Variants in SHROOM3 observed in about 807,000 individuals in gnomAD.
SHROOM3 encodes protein Shroom3.
Under a neutral mutation model 138.6 loss-of-function variants are expected in SHROOM3, and 47 were observed. The observed-to-expected ratio is 0.34, with a 90% CI of 0.27 to 0.43. The LOEUF (loss-of-function observed/expected upper bound fraction) is 0.43. Ranked by LOEUF, SHROOM3 falls within the 20% of genes least tolerant of loss-of-function variation. The probability of loss-of-function intolerance (pLI) is 1.00; values close to 1 mark genes in which losing one functional copy is unlikely to be tolerated. For missense variants in SHROOM3, 2,491 were observed against 2,596.5 expected (o/e 0.96, Z 0.88); for synonymous variants, 1,062 against 1,063.3 (o/e 1.00, Z 0.02).
At chr4:76,541,228 G>A (rs1224456951) in intron 1 of SHROOM3, among the ~76,000 whole-genome samples, 1 of 152,162 alleles carries the variant, frequency 6.6e-6, no homozygotes, top group Non-Finnish European at 1.5e-5. Context: ...GGAATGAAAA[G>A]ATTATGACTT....
intron 10 of SHROOM3, among the ~76,000 whole-genome samples, chr4:76,775,807 CTATA>C (rs57019823): frequency 1.3e-5 from 2 of 150,344 alleles, no homozygotes; most frequent in African/African-American, 2.5e-5. Context: ...TACACACATA[CTATA>C]TATATACACA....
At chr4:76,649,731 A>G (rs2110087638) in intron 2 of SHROOM3, among the ~76,000 whole-genome samples, 1 of 152,346 alleles carries the variant, frequency 6.6e-6, no homozygotes, top group East Asian at 1.9e-4. Flanking sequence ...TGATAAAAGT[A>G]TAGGAAATCA....
At chr4:76,735,888 T>G (rs1254196605) in intron 4 of SHROOM3, among the ~76,000 whole-genome samples, 2 of 124,208 alleles carry the variant, frequency 1.6e-5, no homozygotes, top group East Asian at 2.6e-4. Flanking sequence ...TATATATATA[T>G]ATATATATAT....
chr4:76,714,980 G>A (rs1720331341), intron 3 of SHROOM3, among the ~76,000 whole-genome samples: 1 of 152,140 alleles, frequency 6.6e-6, no homozygotes, highest in South Asian at 2.1e-4. Flanking sequence ...GGATGAGGTA[G>A]TGATGCCTTG....
intron 2 of SHROOM3, among the ~76,000 whole-genome samples, chr4:76,673,140 T>G (rs540483406): frequency 1.5e-3 from 229 of 152,016 alleles, no homozygotes; most frequent in Non-Finnish European, 2.6e-3. Context: ...AAAGAAAAAG[T>G]GGGATGGGGT....
chr4:76,755,196 A>G lies in SHROOM3; in HGVS notation c.4709+4A>G. ...ATCCCGAGGGGCCACGCCCCAGGTG[A>G]GTGAGCAGACTGGGCAGCTTTCCCC... On this transcript the variant is annotated splice_donor_region_variant and intron_variant, in intron 7 of 10. Transcript: ENST00000296043. 6.2e-7 allele frequency: 1 copy of G among 1,613,356 alleles called. No homozygotes were observed. The highest frequency in any genetic ancestry group is 8.5e-7 in the Non-Finnish European group (1 of 1,179,692).
Position 76,740,926 on chromosome 4 carries a change from C to A in SHROOM3, c.2753C>A (p.Ala918Asp). 6.7e-7 allele frequency: 1 copy of A among 1,496,828 alleles called. No individual in the cohort carries two copies. 92.7% of individuals were successfully genotyped at this position (1,496,828 alleles called of 1,614,324 possible). A position where few individuals can be genotyped will look rare whatever the true frequency, so the allele number is the denominator to read the frequency against. Residue 918 changes from alanine (A) to aspartate (D), a missense_variant, in exon 5 of 11, where the codon GCC becomes GAC. By Grantham distance (126) the Ala-to-Asp change is moderately radical (BLOSUM62 -2). Transcript: ENST00000296043. This position sits in a 1 kb window ranked among gnomAD's most constrained non-coding sequence, Gnocchi z 4.0. ...PGSPESPLLD[A>D]PFSRAYRNSI... ...TCGCCCGAATCGCCCCTGCTGGATG[C>A]CCCCTTCAGCCGCGCCTACCGGAAC...
intron 2 of SHROOM3, among the ~76,000 whole-genome samples, chr4:76,697,087 A>ATTTTT (rs1163545473): frequency 6.6e-5 from 9 of 135,788 alleles, no homozygotes; most frequent in African/African-American, 2.2e-4. Context: ...CAGCTAATTA[A>ATTTTT]TTTTTTTTTT....
chr4:76,742,097 C>G (rs1022357146), intron 5 of SHROOM3, 171 bp downstream of exon 5: 29 of 861,368 alleles, frequency 3.4e-5, no homozygotes, highest in Non-Finnish European at 5.3e-5. Context: ...TGTCCCTTAC[C>G]TGGTTTCCTT....
chr4:76,771,801 A>C (rs1481132421), intron 10 of SHROOM3, among the ~76,000 whole-genome samples: 1 of 152,186 alleles, frequency 6.6e-6, no homozygotes, highest in Non-Finnish European at 1.5e-5. Context: ...AAGTTGTATC[A>C]CCGCATTGAA....
intron 1 of SHROOM3, among the ~76,000 whole-genome samples, chr4:76,515,973 A>G (rs556328751): frequency 4.6e-5 from 7 of 152,332 alleles, no homozygotes; most frequent in African/African-American, 1.7e-4. Flanking sequence ...AGGGCCTGGC[A>G]TGGGAAATGA....
chr4:76,596,155 A>T (rs1050632407), intron 2 of SHROOM3, among the ~76,000 whole-genome samples: 1 of 152,182 alleles, frequency 6.6e-6, no homozygotes, highest in Non-Finnish European at 1.5e-5. Context: ...CTGATAATGG[A>T]GCATACACAG....
In SHROOM3 at chr4:76,462,664, T is replaced by G. The variant is rs140781019; in HGVS notation, c.168+26444T>G. On this transcript the variant is annotated intron_variant, in intron 1 of 10. Coordinates refer to ENST00000296043, the MANE Select transcript of SHROOM3 (RefSeq NM_020859.4). ...TTTGAAAGTGTAGCACTTCCTTCTT[T>G]GTTCTCTCTCTCCCTCTCCCTCTCC... is the stretch of plus-strand genomic sequence containing the variant. Among the ~76,000 whole-genome samples the G allele has an allele frequency of 6.8e-3, 1,038 of 151,826 alleles. 13 individuals are homozygous for G. The highest frequency in any genetic ancestry group is 0.024 in the African/African-American group (976 of 41,350).
chr4:76,533,126 A>G (rs1353550006), intron 1 of SHROOM3, among the ~76,000 whole-genome samples: 1 of 152,194 alleles, frequency 6.6e-6, no homozygotes, highest in Non-Finnish European at 1.5e-5. Flanking sequence ...TTTCCATTGA[A>G]TATTTTTGGA....
intron 2 of SHROOM3, chr4:76,709,738 G>C (rs1228187646): frequency 3.6e-6 from 1 of 276,954 alleles, no homozygotes; most frequent in African/African-American, 2.3e-5. Flanking sequence ...AAGAGAACTT[G>C]AGAAGTGAGG....
chr4:76,634,231 G>A (rs1392117255), intron 2 of SHROOM3, among the ~76,000 whole-genome samples: 1 of 152,136 alleles, frequency 6.6e-6, no homozygotes, highest in Non-Finnish European at 1.5e-5. Flanking sequence ...TTGTTTTTAA[G>A]TGCCTCTTAC....
intron 2 of SHROOM3, among the ~76,000 whole-genome samples, chr4:76,650,269 T>G (rs1735924577): frequency 6.6e-6 from 1 of 152,134 alleles, no homozygotes; most frequent in African/African-American, 2.4e-5. Flanking sequence ...TGGCTCATAT[T>G]CAAAAGACAG....
chr4:76,488,241 C>G (rs1731779353), intron 1 of SHROOM3, among the ~76,000 whole-genome samples: 1 of 152,044 alleles, frequency 6.6e-6, no homozygotes, highest in Non-Finnish European at 1.5e-5. Flanking sequence ...TTTAAATAGA[C>G]CATATTTTTA....
chr4:76,441,382 C>T (rs150606717), intron 1 of SHROOM3, among the ~76,000 whole-genome samples: 2,465 of 152,226 alleles, frequency 0.016, 71 homozygotes, highest in African/African-American at 0.056. Flanking sequence ...CGTGAGCCAC[C>T]GCGCCCAGCC....
Sources: allele counts gnomAD v4.1 joint callset (sites outside exome capture counted in the v4.1 genomes callset), GRCh38; gene constraint gnomAD v4.1.1; non-coding constraint Gnocchi (gnomAD v3.1); transcripts MANE v1.5; gene names NCBI Gene and HGNC (gene_info 2026-07-23, HGNC 2026-07-21).